Variants in MYO5C observed in about 807,000 individuals in gnomAD.
MYO5C encodes the protein myosin VC, also known as unconventional myosin-Vc.
MYO5C carries 194 observed loss-of-function variants against 235.7 expected under a neutral mutation model. The ratio of observed to expected loss-of-function variants is 0.82; its 90% CI spans 0.73 to 0.93. MYO5C has a LOEUF of 0.93. Ranked by LOEUF, MYO5C falls within the 40% of genes least tolerant of loss-of-function variation. The pLI, the probability that MYO5C is intolerant of heterozygous loss-of-function variation, is 0.00. For synonymous variants in MYO5C, 707 were observed against 754.8 expected (o/e 0.94, Z 1.04); for missense variants, 2,038 against 2,127.2 (o/e 0.96, Z 0.82).
chr15:52,263,476 A>G (rs1304040187), intron 9 of MYO5C, among the ~76,000 whole-genome samples: 1 of 152,170 alleles, frequency 6.6e-6, no homozygotes, highest in Non-Finnish European at 1.5e-5. Context: ...GTAAGGAGGT[A>G]GTGGGTGTCC....
In MYO5C at chr15:52,221,246, C is replaced by G; in HGVS notation, c.3637G>C (p.Asp1213His). ...AATTCTGAAATTTGCTGTTTAAAGT[C>G]TGGGATCATCTTTAGAGAAGAATTA... ...RLTSENMMIP[D>H]FKQQISELEK... The change falls in exon 30 of 41, where the codon GAC (aspartate) becomes CAC (histidine). Residue 1213 changes from aspartate (D) to histidine (H), a missense_variant. Coordinates refer to ENST00000261839, the MANE Select transcript of MYO5C (RefSeq NM_018728.4). 6.2e-7 allele frequency: 1 copy of G among 1,605,020 alleles called. No individual in the cohort carries two copies. Among genetic ancestry groups the G allele is most frequent in the Non-Finnish European group, 8.5e-7 (1 of 1,174,702 alleles).
chr15:52,273,848 C>T (rs1327948588), intron 5 of MYO5C, among the ~76,000 whole-genome samples: 2 of 151,286 alleles, frequency 1.3e-5, no homozygotes, highest in Non-Finnish European at 1.5e-5. Context: ...ATATGAGGTG[C>T]CTCAACTCAT....
At chr15:52,288,575 C>A (rs2037324085) in intron 1 of MYO5C, among the ~76,000 whole-genome samples, 1 of 152,208 alleles carries the variant, frequency 6.6e-6, no homozygotes, top group South Asian at 2.1e-4. Context: ...TCCACCCATT[C>A]ATTCCTGTCC....
chr15:52,210,212 C>G (rs1033426419), intron 35 of MYO5C, among the ~76,000 whole-genome samples: 1 of 152,158 alleles, frequency 6.6e-6, no homozygotes, highest in Non-Finnish European at 1.5e-5. Context: ...GATCTACCTG[C>G]CTCAGCCTCC....
chr15:52,244,372 C>T lies in MYO5C; in HGVS notation c.2374G>A (p.Gly792Ser), dbSNP rs1299249604. Residue 792 changes from glycine to serine, a missense_variant, in exon 19 of 41, where the codon GGT becomes AGT. By Grantham distance (56) the Gly-to-Ser change is moderately conservative. Transcript: ENST00000261839. ...AALIIQQYFR[G>S]QQTVRKAITA... Reference sequence around the variant, plus strand: ...CCAACATACCTCACAGTTTGCTGACCCCGGAAGTACTGCTGGATTATCAGG... The same window carrying T: ...CCAACATACCTCACAGTTTGCTGACTCCGGAAGTACTGCTGGATTATCAGG... 6.2e-7 allele frequency: 1 copy of T among 1,613,224 alleles called. No individual in the cohort carries two copies. Among genetic ancestry groups the T allele is most frequent in the East Asian group, 2.2e-5 (1 of 44,862 alleles).
At chr15:52,287,812 A>G (rs904932244) in intron 1 of MYO5C, among the ~76,000 whole-genome samples, 4 of 152,126 alleles carry the variant, frequency 2.6e-5, no homozygotes, top group Non-Finnish European at 5.9e-5. Context: ...CCCCGTCTCT[A>G]CTAAAAATAC....
intron 7 of MYO5C, among the ~76,000 whole-genome samples, chr15:52,271,460 C>G (rs2036923841): frequency 2.0e-5 from 3 of 152,116 alleles, no homozygotes. Flanking sequence ...AACTCCTGAC[C>G]TCAGGTGATC....
At chr15:52,197,982 A>G (rs1052804137) in intron 38 of MYO5C, among the ~76,000 whole-genome samples, 1 of 152,196 alleles carries the variant, frequency 6.6e-6, no homozygotes, top group African/African-American at 2.4e-5. Flanking sequence ...TATAAATTAC[A>G]TACCAATGAA....
chr15:52,247,502 T>C lies in MYO5C; in HGVS notation c.1837A>G (p.Ile613Val), dbSNP rs145997599. The change falls in exon 15 of 41, where the codon ATC (isoleucine) becomes GTC (valine). Residue 613 changes from isoleucine to valine, a missense_variant. Coordinates refer to ENST00000261839, the MANE Select transcript of MYO5C (RefSeq NM_018728.4). ...MITVKSAKQV[I>V]KPNSKHFRTT... ...CGGAAATGCTTGCTGTTTGGCTTGA[T>C]GACTTGCTTTGCAGATTTAACTGTA... 4,004 of 1,614,198 alleles carry C rather than the reference T, an allele frequency of 2.5e-3. 10 individuals are homozygous for C. The highest frequency in any genetic ancestry group is 3.1e-3 in the Admixed American group (185 of 60,028).
intron 12 of MYO5C, among the ~76,000 whole-genome samples, chr15:52,252,808 T>C (rs187462713): frequency 6.6e-6 from 1 of 152,202 alleles, no homozygotes; most frequent in Admixed American, 6.5e-5. Context: ...CCCGAAACCT[T>C]ATTAATCCTC....
At chr15:52,275,420 C>A (rs760216433) in intron 5 of MYO5C, 142 bp downstream of exon 5, 38 of 985,662 alleles carry the variant, frequency 3.9e-5, no homozygotes, top group Admixed American at 7.1e-5. Flanking sequence ...ATCCCACCAG[C>A]AAATAGGCTT....
chr15:52,241,919 T>C (rs1437397735), intron 20 of MYO5C, 129 bp downstream of exon 20: 4 of 1,079,100 alleles, frequency 3.7e-6, no homozygotes, highest in Non-Finnish European at 5.4e-6. Context: ...AAGAATCTCC[T>C]TTCTGGCTTG....
At position 52,295,592 on chromosome 15, in the gene MYO5C, C is replaced by A; in HGVS notation, c.27+18G>T. 1 of 1,499,878 alleles carries A rather than the reference C, an allele frequency of 6.7e-7. No individual in the cohort carries two copies. The highest frequency in any genetic ancestry group is 8.9e-7 in the Non-Finnish European group (1 of 1,126,978). 92.9% of individuals were successfully genotyped at this position (1,499,878 alleles called of 1,614,324 possible). A position where few individuals can be genotyped will look rare whatever the true frequency, so the allele number is the denominator to read the frequency against. ...GGCTCCCCCACAGCGCTCCCAGGAG[C>A]CCAGCGGACCCTCCTACCTGCGTGT... On this transcript the variant is annotated intron_variant, in intron 1 of 40. Transcript: ENST00000261839.
intron 38 of MYO5C, among the ~76,000 whole-genome samples, chr15:52,198,539 T>C (rs1596128121): frequency 6.6e-6 from 1 of 152,188 alleles, no homozygotes; most frequent in South Asian, 2.1e-4. Context: ...TGAGTTCTTA[T>C]TACTTTTGCT....
intron 29 of MYO5C, 75 bp downstream of exon 29, chr15:52,223,469 A>G (rs1477245075): frequency 3.6e-5 from 50 of 1,395,846 alleles, no homozygotes; most frequent in Non-Finnish European, 4.8e-5. Flanking sequence ...CTGCCAAGAA[A>G]CTGAATTTGA....
At position 52,223,593 on chromosome 15, in the gene MYO5C, A is replaced by G. The variant is rs1054738945; in HGVS notation, c.3578T>C (p.Ile1193Thr). Residue 1193 changes from isoleucine (I) to threonine (T), a missense_variant, in exon 29 of 41, where the codon ATC becomes ACC. Ile to Thr is a moderately conservative substitution (Grantham distance 89). Coordinates refer to ENST00000261839, the MANE Select transcript of MYO5C (RefSeq NM_018728.4). ...LQKLFREEND[I>T]NESIRHEVTR... ...AACTTCATGACGGATGCTTTCATTG[A>G]TGTCATTTTCTTCTCTGAATAACTT... 3 of 1,614,104 alleles carry G rather than the reference A, an allele frequency of 1.9e-6. No homozygotes were observed. Among genetic ancestry groups the G allele is most frequent in the Non-Finnish European group, 2.5e-6 (3 of 1,180,004 alleles).
chr15:52,220,238 A>C (rs1162951529), intron 30 of MYO5C, among the ~76,000 whole-genome samples: 1 of 152,218 alleles, frequency 6.6e-6, no homozygotes, highest in East Asian at 1.9e-4. Context: ...TAAATATTCC[A>C]CATAAAAATC....
intron 4 of MYO5C, chr15:52,278,121 T>C (rs2037090732): frequency 2.8e-6 from 1 of 359,572 alleles, no homozygotes; most frequent in South Asian, 2.1e-5. Context: ...TTGCAAACTG[T>C]AAAGGCAGCT....
In MYO5C at chr15:52,218,822, C is replaced by T. The variant is rs1265701236; in HGVS notation, c.3786-135G>A. On this transcript the variant is annotated intron_variant, in intron 31 of 40. Transcript: ENST00000261839. ...ATTTCTGTGTAAAGCAAATAGTATTCGAATAGGGGTGTCCTTCCAGGGGAA... is the reference window on the plus strand; with the variant it reads ...ATTTCTGTGTAAAGCAAATAGTATTTGAATAGGGGTGTCCTTCCAGGGGAA... The T allele has an allele frequency of 3.6e-6, 3 of 824,552 alleles. 1 individual carries two copies. The highest frequency in any genetic ancestry group is 3.7e-4 in the Middle Eastern group (1 of 2,736). 51.1% of individuals were successfully genotyped at this position (824,552 alleles called of 1,614,324 possible). A position where few individuals can be genotyped will look rare whatever the true frequency, so the allele number is the denominator to read the frequency against.
Sources: gnomAD v4.1 joint callset for allele counts (sites outside exome capture counted in the v4.1 genomes callset) on GRCh38, gnomAD v4.1.1 for gene constraint, MANE v1.5 for transcripts, NCBI Gene and HGNC (gene_info 2026-07-23, HGNC 2026-07-21) for gene names.